CPED1: variants seen among roughly 807,000 people sequenced by gnomAD.
The protein encoded by CPED1 is cadherin like and PC-esterase domain containing 1.
A neutral mutation model predicts 128.2 loss-of-function variants in CPED1; 114 were observed. That is an observed-to-expected ratio of 0.89 (90% CI 0.76 to 1.04). The LOEUF (loss-of-function observed/expected upper bound fraction) is 1.04. Ranked by LOEUF, CPED1 falls within the 50% of genes least tolerant of loss-of-function variation. The probability of loss-of-function intolerance (pLI) is 0.00; values close to 1 mark genes in which losing one functional copy is unlikely to be tolerated. For missense variants in CPED1, 1,211 were observed against 1,207.1 expected (o/e 1.00, Z -0.05); for synonymous variants, 462 against 426.7 (o/e 1.08, Z -1.02).
intron 22 of CPED1, among the ~76,000 whole-genome samples, chr7:121,286,425 T>C (rs992692122): frequency 4.2e-4 from 64 of 152,292 alleles, no homozygotes; most frequent in African/African-American, 1.5e-3. Context: ...TAAACAAGCA[T>C]GGCAGGAATG....
intron 16 of CPED1, among the ~76,000 whole-genome samples, chr7:121,171,517 T>C (rs1796648597): frequency 6.6e-6 from 1 of 152,210 alleles, no homozygotes; most frequent in Non-Finnish European, 1.5e-5. Context: ...ATTTTAAAAA[T>C]ATACAGTGCT....
At chr7:121,098,813 TAA>T (rs1794768348) in intron 6 of CPED1, among the ~76,000 whole-genome samples, 1 of 140,968 alleles carries the variant, frequency 7.1e-6, no homozygotes, top group Non-Finnish European at 1.5e-5. Context: ...AATATATAAA[TAA>T]TATATATATA....
At chr7:120,992,139 T>G (rs1796319070) in intron 2 of CPED1, among the ~76,000 whole-genome samples, 1 of 152,196 alleles carries the variant, frequency 6.6e-6, no homozygotes, top group Admixed American at 6.5e-5. Flanking sequence ...ATATTGATCA[T>G]TTTCTAAAGT....
At chr7:121,002,040 CTT>C (rs1276254158) in intron 2 of CPED1, among the ~76,000 whole-genome samples, 1 of 152,118 alleles carries the variant, frequency 6.6e-6, no homozygotes, top group Non-Finnish European at 1.5e-5. Flanking sequence ...TGGAAACACT[CTT>C]TTCATTAAAA....
Position 121,287,513 on chromosome 7 carries a change from C to T in CPED1, c.2869-7927C>T, listed in dbSNP as rs186273846. Among the ~76,000 whole-genome samples, 479 of 152,240 alleles carry T rather than the reference C, an allele frequency of 3.1e-3. 5 individuals are homozygous for T. Among genetic ancestry groups the T allele is most frequent in the African/African-American group, 0.011 (462 of 41,562 alleles). On this transcript the variant is annotated intron_variant, in intron 22 of 22. Transcript: ENST00000310396. ...ACCAAGTTTGTAACCACTAGCACTC[C>T]TTCAGTTCCCTGATGGTAGATTCAA...
intron 5 of CPED1, among the ~76,000 whole-genome samples, chr7:121,097,010 G>T (rs535974683): frequency 6.6e-6 from 1 of 152,176 alleles, no homozygotes; most frequent in South Asian, 2.1e-4. Context: ...GTAAGCATTG[G>T]TTTTTGGTGG....
chr7:121,135,430 G>A (rs890863406), intron 13 of CPED1, among the ~76,000 whole-genome samples: 1 of 152,012 alleles, frequency 6.6e-6, no homozygotes. Flanking sequence ...CTCTGGTGAT[G>A]AGACCCAGCG....
intron 22 of CPED1, 90 bp downstream of exon 22, chr7:121,271,520 A>G: frequency 7.6e-7 from 1 of 1,315,338 alleles, no homozygotes; most frequent in South Asian, 1.4e-5. Context: ...CTTATTTTGC[A>G]TGAAACAAAA....
At chr7:121,281,901 A>T (rs2116773479) in intron 22 of CPED1, among the ~76,000 whole-genome samples, 1 of 152,292 alleles carries the variant, frequency 6.6e-6, no homozygotes. Context: ...ATTGTCCTTC[A>T]CTATCTCTTC....
At chr7:121,107,267 C>T (rs1249738654) in intron 7 of CPED1, among the ~76,000 whole-genome samples, 2 of 152,052 alleles carry the variant, frequency 1.3e-5, no homozygotes, top group African/African-American at 4.8e-5. Flanking sequence ...AACAACAAGG[C>T]TTAACTTTTT....
At chr7:121,183,983 T>C (rs892381275) in intron 16 of CPED1, among the ~76,000 whole-genome samples, 4 of 151,904 alleles carry the variant, frequency 2.6e-5, no homozygotes, top group African/African-American at 9.7e-5. Context: ...CTACTGAAAA[T>C]ACAAAAATTA....
chr7:121,159,937 A>T (rs1357442789), intron 16 of CPED1, among the ~76,000 whole-genome samples: 1 of 152,220 alleles, frequency 6.6e-6, no homozygotes, highest in African/African-American at 2.4e-5. Context: ...GGTTACATTA[A>T]TATGACATTC....
At chr7:121,030,833 T>C (rs1272489086) in intron 3 of CPED1, among the ~76,000 whole-genome samples, 1 of 152,214 alleles carries the variant, frequency 6.6e-6, no homozygotes, top group South Asian at 2.1e-4. Context: ...GAAACATATC[T>C]CCTGCAGATA....
rs1372912698 is a variant in CPED1 at position 121,194,046 on chromosome 7, A to ATTT, written c.2056-42667_2056-42666insTTT. Among the ~76,000 whole-genome samples the ATTT allele has an allele frequency of 2.2e-3, 116 of 52,994 alleles. 2 individuals are homozygous for ATTT. The highest frequency in any genetic ancestry group is 3.6e-3 in the African/African-American group (50 of 13,740). The allele number at this position is 52,994 out of a possible 152,430, so 34.8% of individuals were successfully genotyped here. A position where few individuals can be genotyped will look rare whatever the true frequency, so the allele number is the denominator to read the frequency against. On this transcript the variant is annotated intron_variant, in intron 16 of 22. Transcript: ENST00000310396. ...TCTATATATATATATATATATATAT[A>ATTT]TATTTTTTTTTTTTTTTTTTGAGAC...
rs540281664 is a variant in CPED1, at chr7:121,093,004, A to G, written c.617-4695A>G. 8.5e-5 allele frequency among the ~76,000 whole-genome samples: 13 copies of G among 152,316 alleles called. No individual in the cohort carries two copies. The South Asian group carries it at 2.7e-3, about 32-fold the overall frequency. The stretch of plus-strand genomic sequence containing the variant: ...GCTAGACTTTTTCATCATCATACAA[A>G]GAGAAAACAGATTCAGAGCTGAAGA... On this transcript the variant is annotated intron_variant, in intron 5 of 22. Coordinates refer to ENST00000310396, the MANE Select transcript of CPED1 (RefSeq NM_024913.5).
chr7:121,272,902 C>T (rs11762203), intron 22 of CPED1, among the ~76,000 whole-genome samples: 1,950 of 152,192 alleles, frequency 0.013, 18 homozygotes, highest in Middle Eastern at 0.031. Context: ...AATTCCATCC[C>T]GTCCTTCCTC....
At chr7:121,081,037 A>T (rs919356159) in intron 5 of CPED1, among the ~76,000 whole-genome samples, 2 of 152,200 alleles carry the variant, frequency 1.3e-5, no homozygotes, top group Non-Finnish European at 2.9e-5. Flanking sequence ...ACAGAACTCC[A>T]TAAATTGTAT....
intron 7 of CPED1, among the ~76,000 whole-genome samples, chr7:121,109,346 A>T (rs1425491893): frequency 1.3e-5 from 2 of 152,146 alleles, no homozygotes; most frequent in Non-Finnish European, 2.9e-5. Flanking sequence ...TCCTATACAC[A>T]TCACTCTGTC....
At chr7:121,046,736 A>G (rs1432378422) in intron 3 of CPED1, 151 bp from the exon 4 acceptor site, 2 of 475,666 alleles carry the variant, frequency 4.2e-6, no homozygotes, top group Admixed American at 3.8e-5. Flanking sequence ...AATTTTAGTT[A>G]TTTTACTGAC....
Sources: allele counts gnomAD v4.1 joint callset (sites outside exome capture counted in the v4.1 genomes callset), GRCh38; gene constraint gnomAD v4.1.1; transcripts MANE v1.5; gene names NCBI Gene and HGNC (gene_info 2026-07-23, HGNC 2026-07-21).